Variants in ERBB4 observed in about 807,000 individuals in gnomAD.
ERBB4 encodes erb-b2 receptor tyrosine kinase 4.
In ERBB4, 42 loss-of-function variants were observed where a neutral mutation model predicts 158.0. The ratio of observed to expected loss-of-function variants is 0.27; its 90% CI spans 0.21 to 0.34. The LOEUF is 0.34. Among genes scored for constraint, ERBB4 ranks in the 10% least tolerant of loss-of-function variants. The probability of loss-of-function intolerance (pLI) is 1.00; values close to 1 mark genes in which losing one functional copy is unlikely to be tolerated. For synonymous variants in ERBB4, 583 were observed against 558.7 expected (o/e 1.04, Z -0.61); for missense variants, 1,333 against 1,624.1 (o/e 0.82, Z 3.08).
At chr2:212,516,505 A>G (rs1273935452) in intron 1 of ERBB4, among the ~76,000 whole-genome samples, 1 of 152,058 alleles carries the variant, frequency 6.6e-6, no homozygotes, top group Non-Finnish European at 1.5e-5. Context: ...TCTTACACTT[A>G]TTTTCTGTAA....
At chr2:211,745,012 A>G (rs2074919838) in intron 5 of ERBB4, among the ~76,000 whole-genome samples, 1 of 152,244 alleles carries the variant, frequency 6.6e-6, no homozygotes, top group Admixed American at 6.5e-5. Context: ...ACTTTTATAT[A>G]GTCAATCCAC....
At chr2:211,476,599 C>A (rs1446551024) in intron 20 of ERBB4, among the ~76,000 whole-genome samples, 1 of 151,334 alleles carries the variant, frequency 6.6e-6, no homozygotes, top group Non-Finnish European at 1.5e-5. Context: ...CTTAGAATAT[C>A]ATCATTGTGC....
chr2:212,312,776 G>T (rs2087106199), intron 1 of ERBB4, among the ~76,000 whole-genome samples: 1 of 150,712 alleles, frequency 6.6e-6, no homozygotes, highest in Non-Finnish European at 1.5e-5. Flanking sequence ...ATTCTTATTT[G>T]CTTTATTTTG....
intron 1 of ERBB4, among the ~76,000 whole-genome samples, chr2:212,262,901 A>G (rs995197185): frequency 3.3e-5 from 5 of 152,188 alleles, no homozygotes; most frequent in African/African-American, 1.2e-4. Flanking sequence ...GAATCTCCTG[A>G]TACATTCATG....
In ERBB4 at chr2:212,168,399, A is replaced by G. The variant is rs145760528; in HGVS notation, c.83-43496T>C. Among the ~76,000 whole-genome samples, 224 of 152,216 alleles carry G rather than the reference A, an allele frequency of 1.5e-3. 1 individual carries two copies. The highest frequency in any genetic ancestry group is 2.4e-3 in the Non-Finnish European group (166 of 67,998). Reference sequence around the variant, plus strand: ...TCTTGCATGACATCTCTTTTCTTCAATGATGCTTATTTATGTACTGGGCAG... The same window carrying G: ...TCTTGCATGACATCTCTTTTCTTCAGTGATGCTTATTTATGTACTGGGCAG... On this transcript the variant is annotated intron_variant, in intron 1 of 27. Transcript: ENST00000342788.
At chr2:212,118,090 C>A (rs1024856115) in intron 2 of ERBB4, among the ~76,000 whole-genome samples, 11 of 152,116 alleles carry the variant, frequency 7.2e-5, no homozygotes, top group Non-Finnish European at 1.6e-4. Context: ...GGAAAACAGA[C>A]ACAAACATAA....
chr2:211,607,894 G>A (rs1271622622), intron 19 of ERBB4, among the ~76,000 whole-genome samples: 1 of 111,434 alleles, frequency 9.0e-6, no homozygotes, highest in East Asian at 2.7e-4. Flanking sequence ...TTTTTAGACA[G>A]GGTCTCACTC....
chr2:211,836,569 G>A (rs940061220), intron 3 of ERBB4, among the ~76,000 whole-genome samples: 1 of 152,022 alleles, frequency 6.6e-6, no homozygotes, highest in Non-Finnish European at 1.5e-5. Flanking sequence ...AGGAAAGCAG[G>A]TGTTCAGCAT....
chr2:212,081,717 C>T (rs755774505), intron 2 of ERBB4, among the ~76,000 whole-genome samples: 8 of 152,046 alleles, frequency 5.3e-5, no homozygotes, highest in Non-Finnish European at 8.8e-5. Context: ...AAATGGGCAC[C>T]GACTGTAGCT....
At chr2:212,287,594 A>G (rs537071995) in intron 1 of ERBB4, among the ~76,000 whole-genome samples, 1 of 152,264 alleles carries the variant, frequency 6.6e-6, no homozygotes, top group African/African-American at 2.4e-5. Context: ...TTATTTCCCT[A>G]TCAATAGTGA....
rs565772060 is a variant in ERBB4 at position 211,795,819 on chromosome 2, G to A, written c.422-7660C>T. 5.3e-5 allele frequency among the ~76,000 whole-genome samples: 8 copies of A among 151,616 alleles called. No homozygotes were observed. In the East Asian group the frequency reaches 1.5e-3, roughly 29 times the overall value. ...CCACAGCTAGGTGCATGGAAGGAAG[G>A]GAATTAAAGTATTCATTCTGGGTGA... On this transcript the variant is annotated intron_variant, in intron 3 of 27. Transcript: ENST00000342788.
chr2:211,714,574 G>A (rs190527218), intron 7 of ERBB4, among the ~76,000 whole-genome samples: 1 of 152,276 alleles, frequency 6.6e-6, no homozygotes, highest in East Asian at 1.9e-4. Flanking sequence ...GTAGATTTAT[G>A]GCAAGTTTCA....
chr2:211,480,915 GCTT>G (rs960211448), intron 20 of ERBB4, among the ~76,000 whole-genome samples: 1 of 152,236 alleles, frequency 6.6e-6, no homozygotes, highest in Admixed American at 6.5e-5. Context: ...GGAATAGCAT[GCTT>G]ATTATATTCA....
intron 17 of ERBB4, among the ~76,000 whole-genome samples, chr2:211,628,885 C>T (rs1458745899): frequency 1.3e-5 from 2 of 152,262 alleles, no homozygotes; most frequent in East Asian, 3.9e-4. Context: ...AATGGTATCT[C>T]ATTGTGGTTT....
intron 3 of ERBB4, among the ~76,000 whole-genome samples, chr2:211,866,789 C>T (rs16847122): frequency 0.2 from 30,121 of 151,742 alleles, 3,195 homozygotes; most frequent in South Asian, 0.32. Context: ...TTTTAAAATA[C>T]GCCAATAGAG....
Position 211,383,858 on chromosome 2 carries a change from T to G in ERBB4, c.3684A>C (p.Ser1228=). Residue 1228 remains serine, a synonymous_variant, in exon 28 of 28, where the codon TCA becomes TCC. Transcript: ENST00000342788. ...KAEYLKNNIL[S]MPEKAKKAFD... ...ACGCTTTCTTGGCCTTCTCTGGCAT[T>G]GACAGTATGTTGTTCTTCAGGTACT... The G allele has an allele frequency of 6.2e-7, 1 of 1,614,182 alleles. No homozygotes were observed.
intron 3 of ERBB4, among the ~76,000 whole-genome samples, chr2:211,837,559 G>T (rs1432692060): frequency 6.6e-6 from 1 of 151,986 alleles, no homozygotes; most frequent in Non-Finnish European, 1.5e-5. Context: ...GTAGCAAAGG[G>T]TTTAAAATCA....
chr2:211,698,510 T>C (rs1462937342), intron 12 of ERBB4, among the ~76,000 whole-genome samples: 3 of 151,800 alleles, frequency 2.0e-5, no homozygotes, highest in Non-Finnish European at 4.4e-5. Flanking sequence ...TATTCACCAA[T>C]AATTATATAT....
At chr2:212,101,813 G>T (rs2079091892) in intron 2 of ERBB4, among the ~76,000 whole-genome samples, 1 of 151,544 alleles carries the variant, frequency 6.6e-6, no homozygotes, top group Non-Finnish European at 1.5e-5. Context: ...GTTATAAAAA[G>T]CTTCCTCTCC....
Sources: allele counts gnomAD v4.1 joint callset (sites outside exome capture counted in the v4.1 genomes callset), GRCh38; gene constraint gnomAD v4.1.1; transcripts MANE v1.5; gene names NCBI Gene and HGNC (gene_info 2026-07-23, HGNC 2026-07-21).